The following MACROD2 variants were observed in gnomAD, a reference collection of about 807,000 sequenced individuals.
The protein encoded by MACROD2 is mono-ADP ribosylhydrolase 2, also known as ADP-ribose glycohydrolase MACROD2.
A neutral mutation model predicts 70.4 loss-of-function variants in MACROD2; 36 were observed. That is an observed-to-expected ratio of 0.51 (90% CI 0.39 to 0.68). The LOEUF is 0.68. MACROD2 is among the 30% of genes least tolerant of loss of function. The pLI is 0.00. For synonymous variants in MACROD2, 172 were observed against 178.8 expected, an observed-to-expected ratio of 0.96 and a Z score of 0.30; for missense variants, 496 against 538.4, an observed-to-expected ratio of 0.92 and a Z score of 0.78.
At chr20:15,146,048 A>G (rs1193863034) in intron 5 of MACROD2, among the ~76,000 whole-genome samples, 1 of 152,142 alleles carries the variant, frequency 6.6e-6, no homozygotes, top group African/African-American at 2.4e-5. Flanking sequence ...TTTAAAATTT[A>G]TTTGTTACAT....
At chr20:15,565,284 A>G (rs1275162951) in intron 8 of MACROD2, among the ~76,000 whole-genome samples, 4 of 152,260 alleles carry the variant, frequency 2.6e-5, no homozygotes, top group African/African-American at 4.8e-5. Flanking sequence ...GTATCTAAAG[A>G]GGTAAACACG....
Position 15,270,769 on chromosome 20 carries a change from C to A in MACROD2, c.540+40708C>A, listed in dbSNP as rs78435777. 4.1e-3 allele frequency among the ~76,000 whole-genome samples: 617 copies of A among 152,246 alleles called. 3 individuals carry two copies. Among genetic ancestry groups the A allele is most frequent in the African/African-American group, 0.014 (566 of 41,530 alleles). On this transcript the variant is annotated intron_variant, in intron 6 of 17. Transcript: ENST00000684519. ...ACCAGAATATTTATAGTACCCCAAA[C>A]ACACTATGCAATCTTGCCTCCATGT...
intron 8 of MACROD2, among the ~76,000 whole-genome samples, chr20:15,506,587 A>G (rs2047428794): frequency 6.6e-6 from 1 of 152,318 alleles, no homozygotes; most frequent in Admixed American, 6.5e-5. Context: ...GATCACCGAA[A>G]AAAAACCCCA....
intron 2 of MACROD2, among the ~76,000 whole-genome samples, chr20:14,018,766 C>A (rs1245956202): frequency 1.3e-5 from 2 of 152,214 alleles, no homozygotes; most frequent in Non-Finnish European, 2.9e-5. Flanking sequence ...CTCATCTCAT[C>A]TGGGTCACCG....
At chr20:15,729,702 A>G (rs1948218962) in intron 8 of MACROD2, among the ~76,000 whole-genome samples, 1 of 152,138 alleles carries the variant, frequency 6.6e-6, no homozygotes, top group African/African-American at 2.4e-5. Context: ...CTAAAATTCA[A>G]ATAACAACCC....
chr20:15,593,172 T>A (rs2048701732), intron 8 of MACROD2, among the ~76,000 whole-genome samples: 1 of 152,136 alleles, frequency 6.6e-6, no homozygotes, highest in Non-Finnish European at 1.5e-5. Flanking sequence ...TATCAAGTTG[T>A]TTTTTGGAAT....
intron 5 of MACROD2, among the ~76,000 whole-genome samples, chr20:15,104,092 G>T (rs913179873): frequency 3.3e-5 from 5 of 152,098 alleles, no homozygotes; most frequent in African/African-American, 1.2e-4. Context: ...ATAGTGAAGA[G>T]AAAGTCAAGT....
chr20:14,201,116 G>C (rs912231237), intron 3 of MACROD2, among the ~76,000 whole-genome samples: 1 of 151,748 alleles, frequency 6.6e-6, no homozygotes, highest in Non-Finnish European at 1.5e-5. Context: ...TTCTCTACTT[G>C]CACTACAGAT....
intron 8 of MACROD2, among the ~76,000 whole-genome samples, chr20:15,599,905 G>C (rs1401552693): frequency 6.6e-6 from 1 of 152,094 alleles, no homozygotes; most frequent in African/African-American, 2.4e-5. Context: ...CCCCCTCTAA[G>C]TATCCAGACC....
At chr20:15,094,889 A>C (rs544208176) in intron 5 of MACROD2, among the ~76,000 whole-genome samples, 2 of 152,126 alleles carry the variant, frequency 1.3e-5, no homozygotes, top group East Asian at 3.9e-4. Flanking sequence ...CTATAACAGG[A>C]AAGATTATAG....
intron 4 of MACROD2, among the ~76,000 whole-genome samples, chr20:14,666,014 T>C (rs2070733020): frequency 6.6e-6 from 1 of 152,144 alleles, no homozygotes; most frequent in African/African-American, 2.4e-5. Context: ...TTTTTAAATA[T>C]GCTTTTTAAA....
At chr20:14,857,489 T>G (rs1291304185) in intron 5 of MACROD2, among the ~76,000 whole-genome samples, 2 of 152,202 alleles carry the variant, frequency 1.3e-5, no homozygotes, top group Non-Finnish European at 2.9e-5. Context: ...CCTGTTTCTT[T>G]TAGATAATGT....
intron 6 of MACROD2, among the ~76,000 whole-genome samples, chr20:15,347,117 C>A (rs1017841989): frequency 3.9e-5 from 6 of 152,182 alleles, no homozygotes; most frequent in South Asian, 4.1e-4. Context: ...TTCAAGGCTA[C>A]AGGTAATTTG....
chr20:15,175,043 C>T (rs1261207209), intron 5 of MACROD2, among the ~76,000 whole-genome samples: 1 of 151,818 alleles, frequency 6.6e-6, no homozygotes, highest in African/African-American at 2.4e-5. Context: ...GCTTTTGTTG[C>T]CATTGCTGGA....
intron 4 of MACROD2, among the ~76,000 whole-genome samples, chr20:14,577,668 G>A (rs1266761858): frequency 6.6e-6 from 1 of 152,030 alleles, no homozygotes; most frequent in Non-Finnish European, 1.5e-5. Flanking sequence ...TGTAGTCCCA[G>A]CTACTCAGGA....
chr20:14,677,913 T>G (rs2070881744), intron 4 of MACROD2, among the ~76,000 whole-genome samples: 2 of 152,016 alleles, frequency 1.3e-5, no homozygotes, highest in South Asian at 4.1e-4. Flanking sequence ...TTGCACAAGT[T>G]TAAAAAAAAC....
chr20:14,646,849 G>A (rs1011643587), intron 4 of MACROD2, among the ~76,000 whole-genome samples: 2 of 151,844 alleles, frequency 1.3e-5, no homozygotes, highest in African/African-American at 2.4e-5. Flanking sequence ...TTACCATGTC[G>A]ACTTCCTGTC....
chr20:14,940,866 G>T (rs1411088783), intron 5 of MACROD2, among the ~76,000 whole-genome samples: 1 of 152,052 alleles, frequency 6.6e-6, no homozygotes, highest in Non-Finnish European at 1.5e-5. Flanking sequence ...TTTGTTTGTT[G>T]TGTCTTTGCC....
chr20:14,568,053 C>T (rs1317973536), intron 4 of MACROD2, among the ~76,000 whole-genome samples: 1 of 151,922 alleles, frequency 6.6e-6, no homozygotes, highest in East Asian at 1.9e-4. Flanking sequence ...CATAATGTAT[C>T]CATTAGAAAT....
Sources: allele counts gnomAD v4.1 joint callset (sites outside exome capture counted in the v4.1 genomes callset), GRCh38; gene constraint gnomAD v4.1.1; transcripts MANE v1.5; gene names NCBI Gene and HGNC (gene_info 2026-07-23, HGNC 2026-07-21).